The following WDR70 variants were observed in gnomAD, a reference collection of about 807,000 sequenced individuals.
The protein encoded by WDR70 is WD repeat-containing protein 70.
A neutral mutation model predicts 88.6 loss-of-function variants in WDR70; 53 were observed. The ratio of observed to expected loss-of-function variants is 0.60; its 90% CI spans 0.48 to 0.75. The LOEUF (loss-of-function observed/expected upper bound fraction) is 0.75, where lower values mean the gene tolerates loss of function less well. Ranked by LOEUF, WDR70 falls within the 30% of genes least tolerant of loss-of-function variation. The pLI, the probability that WDR70 is intolerant of heterozygous loss-of-function variation, is 0.00. For synonymous variants in WDR70, 280 were observed against 270.0 expected, an observed-to-expected ratio of 1.04 and a Z score of -0.36; for missense variants, 610 against 823.2, an observed-to-expected ratio of 0.74 and a Z score of 3.17.
intron 9 of WDR70, among the ~76,000 whole-genome samples, chr5:37,556,014 C>A (rs1742286185): frequency 6.6e-6 from 1 of 152,144 alleles, no homozygotes; most frequent in African/African-American, 2.4e-5. Context: ...CTATTGCACC[C>A]AGCCAATGTT....
rs58179518 is a variant in WDR70 at position 37,449,604 on chromosome 5, TA to T, written c.686+6238del. Among the ~76,000 whole-genome samples the T allele has an allele frequency of 1.6e-3, 153 of 95,448 alleles. 4 individuals carry two copies. Among genetic ancestry groups the T allele is most frequent in the African/African-American group, 5.7e-3 (147 of 25,668 alleles). 62.6% of individuals were successfully genotyped at this position (95,448 alleles called of 152,430 possible). On this transcript the variant is annotated intron_variant, in intron 7 of 17. Transcript: ENST00000265107. The stretch of plus-strand genomic sequence containing the variant: ...AAATTTTGTCTCAAAAAAAAAAAAA[TA>T]AAAAATAAAAAATAAATAAATAAAT...
intron 5 of WDR70, among the ~76,000 whole-genome samples, chr5:37,410,259 G>C (rs1290591765): frequency 7.0e-6 from 1 of 143,334 alleles, no homozygotes; most frequent in African/African-American, 2.6e-5. Flanking sequence ...GGCTGGTCTC[G>C]AACTCCTGGG....
chr5:37,393,239 A>C (rs1051905793), intron 4 of WDR70, among the ~76,000 whole-genome samples: 21 of 151,546 alleles, frequency 1.4e-4, no homozygotes, highest in African/African-American at 4.9e-4. Context: ...ACTGGGTTTC[A>C]CCATGTTGGC....
intron 7 of WDR70, among the ~76,000 whole-genome samples, chr5:37,445,962 T>G (rs1738462034): frequency 6.6e-6 from 1 of 152,010 alleles, no homozygotes; most frequent in Admixed American, 6.6e-5. Context: ...GAGAAAGAAA[T>G]AAAGGGTATT....
chr5:37,513,877 C>T (rs897173138), intron 8 of WDR70, among the ~76,000 whole-genome samples: 6 of 152,122 alleles, frequency 3.9e-5, no homozygotes, highest in Non-Finnish European at 8.8e-5. Context: ...CCTTTGGCAA[C>T]ACCCCCACAG....
chr5:37,389,711 A>C (rs1304936032), intron 3 of WDR70, among the ~76,000 whole-genome samples: 2 of 152,100 alleles, frequency 1.3e-5, no homozygotes, highest in African/African-American at 4.8e-5. Context: ...CGTGCCCGAC[A>C]GGCCCATTCT....
intron 7 of WDR70, among the ~76,000 whole-genome samples, chr5:37,446,579 T>C (rs1738486952): frequency 6.6e-6 from 1 of 152,116 alleles, no homozygotes; most frequent in African/African-American, 2.4e-5. Context: ...ATGGTACTGG[T>C]ACCAAAACAG....
At chr5:37,432,712 C>T (rs750920605) in intron 5 of WDR70, among the ~76,000 whole-genome samples, 5 of 151,380 alleles carry the variant, frequency 3.3e-5, no homozygotes, top group African/African-American at 4.9e-5. Flanking sequence ...CCACCGCGCC[C>T]GGCCTTTCTG....
intron 11 of WDR70, among the ~76,000 whole-genome samples, chr5:37,699,972 A>C (rs1747104584): frequency 7.3e-6 from 1 of 136,412 alleles, no homozygotes; most frequent in Admixed American, 8.3e-5. Flanking sequence ...ACAAAAACAA[A>C]AACAAAAAAA....
intron 10 of WDR70, among the ~76,000 whole-genome samples, chr5:37,687,325 A>G (rs1746639892): frequency 1.3e-5 from 2 of 152,182 alleles, no homozygotes; most frequent in African/African-American, 4.8e-5. Flanking sequence ...AACTAAAGAC[A>G]TTGTGCCTCT....
At chr5:37,424,407 A>ATTTT (rs11434948) in intron 5 of WDR70, among the ~76,000 whole-genome samples, 1 of 142,174 alleles carries the variant, frequency 7.0e-6, no homozygotes, top group African/African-American at 2.6e-5. Flanking sequence ...ATTTTTTTCC[A>ATTTT]TTTTTTTTTT....
chr5:37,416,162 C>T (rs1441252507), intron 5 of WDR70, among the ~76,000 whole-genome samples: 3 of 152,024 alleles, frequency 2.0e-5, no homozygotes, highest in African/African-American at 7.3e-5. Flanking sequence ...AGGCAGGCAG[C>T]TGGGAGGTGG....
intron 8 of WDR70, among the ~76,000 whole-genome samples, chr5:37,486,948 T>G (rs1156370502): frequency 6.6e-6 from 1 of 152,216 alleles, no homozygotes; most frequent in Non-Finnish European, 1.5e-5. Context: ...TCTTTTGCTG[T>G]GCAGAAGCTT....
At chr5:37,530,202 T>G (rs1561890281) in intron 9 of WDR70, among the ~76,000 whole-genome samples, 1 of 152,200 alleles carries the variant, frequency 6.6e-6, no homozygotes, top group African/African-American at 2.4e-5. Context: ...GATATGCTGT[T>G]GAATTTGGTT....
chr5:37,498,754 TG>T (rs1740306293), intron 8 of WDR70, among the ~76,000 whole-genome samples: 1 of 152,236 alleles, frequency 6.6e-6, no homozygotes, highest in South Asian at 2.1e-4. Flanking sequence ...TCTGTACCAT[TG>T]GCAAAATATG....
At chr5:37,489,902 G>A (rs1040705098) in intron 8 of WDR70, among the ~76,000 whole-genome samples, 3 of 151,896 alleles carry the variant, frequency 2.0e-5, no homozygotes, top group Non-Finnish European at 2.9e-5. Context: ...CCACTAACTC[G>A]TCATCTAGCA....
intron 9 of WDR70, 112 bp from the exon 10 acceptor site, chr5:37,604,952 A>G (rs1411341824): frequency 1.2e-6 from 1 of 856,230 alleles, no homozygotes; most frequent in Non-Finnish European, 1.7e-6. Flanking sequence ...AATAATTATT[A>G]GATTTATGTG....
chr5:37,715,550 C>G (rs1747630064), intron 13 of WDR70, among the ~76,000 whole-genome samples: 1 of 152,118 alleles, frequency 6.6e-6, no homozygotes, highest in South Asian at 2.1e-4. Flanking sequence ...GAGACTGGGG[C>G]TTACTCACCA....
At chr5:37,456,281 T>C (rs919298620) in intron 7 of WDR70, among the ~76,000 whole-genome samples, 1 of 152,188 alleles carries the variant, frequency 6.6e-6, no homozygotes, top group African/African-American at 2.4e-5. Context: ...TATGTTAAAT[T>C]TTAGCCATTC....
Sources: allele counts gnomAD v4.1 joint callset (sites outside exome capture counted in the v4.1 genomes callset), GRCh38; gene constraint gnomAD v4.1.1; transcripts MANE v1.5; gene names NCBI Gene and HGNC (gene_info 2026-07-23, HGNC 2026-07-21).